HS2ST1: variants seen among roughly 807,000 people sequenced by gnomAD.
HS2ST1 encodes the protein 2-O-sulfotransferase.
HS2ST1 carries 18 observed loss-of-function variants against 42.9 expected under a neutral mutation model. The ratio of observed to expected loss-of-function variants is 0.42; its 90% CI spans 0.29 to 0.62. The LOEUF (loss-of-function observed/expected upper bound fraction) is 0.62. HS2ST1 is among the 20% of genes least tolerant of loss of function. The pLI, the probability that HS2ST1 is intolerant of heterozygous loss-of-function variation, is 0.21. For missense variants in HS2ST1, 334 were observed against 433.8 expected (o/e 0.77, Z 2.04); for synonymous variants, 146 against 152.9 (o/e 0.95, Z 0.33).
intron 1 of HS2ST1, among the ~76,000 whole-genome samples, chr1:87,065,640 A>G (rs916200655): frequency 6.6e-6 from 1 of 152,214 alleles, no homozygotes; most frequent in Non-Finnish European, 1.5e-5. Flanking sequence ...GTAAGAGAGC[A>G]TAATTTTCTC....
At chr1:87,011,242 AT>A (rs1482606818) in intron 1 of HS2ST1, among the ~76,000 whole-genome samples, 1 of 151,226 alleles carries the variant, frequency 6.6e-6, no homozygotes, top group Non-Finnish European at 1.5e-5. Context: ...TTTTACCAAA[AT>A]TTTTTCCTCT....
intron 1 of HS2ST1, among the ~76,000 whole-genome samples, chr1:86,916,783 G>A (rs1236950087): frequency 1.3e-5 from 2 of 152,086 alleles, no homozygotes; most frequent in African/African-American, 4.8e-5. Flanking sequence ...CTCTTGAAGT[G>A]GAAAGTTATA....
chr1:86,951,902 T>A (rs1279558784), intron 1 of HS2ST1, among the ~76,000 whole-genome samples: 2 of 152,220 alleles, frequency 1.3e-5, no homozygotes, highest in East Asian at 3.8e-4. Flanking sequence ...TCTTTGCTCG[T>A]CCCTAAGAAG....
At chr1:87,001,183 A>G (rs969381806) in intron 1 of HS2ST1, among the ~76,000 whole-genome samples, 5 of 152,230 alleles carry the variant, frequency 3.3e-5, no homozygotes, top group African/African-American at 1.2e-4. Flanking sequence ...AATCAGGAGA[A>G]GAGAGGTGCT....
At chr1:86,981,784 A>G (rs1048113713) in intron 1 of HS2ST1, among the ~76,000 whole-genome samples, 9 of 152,182 alleles carry the variant, frequency 5.9e-5, no homozygotes, top group African/African-American at 2.2e-4. Context: ...CCAGGTACCC[A>G]GTGCAAGCTA....
chr1:87,095,520 T>A (rs1000065441), intron 4 of HS2ST1, among the ~76,000 whole-genome samples: 1 of 152,204 alleles, frequency 6.6e-6, no homozygotes, highest in Non-Finnish European at 1.5e-5. Context: ...GGAAGGCTTT[T>A]GATTTGGGAG....
At chr1:87,101,130 C>T (rs1274418680) in intron 5 of HS2ST1, among the ~76,000 whole-genome samples, 1 of 115,916 alleles carries the variant, frequency 8.6e-6, no homozygotes, top group African/African-American at 3.3e-5. Context: ...TAAGTCATCA[C>T]TTTTGTGTGT....
At chr1:86,968,674 G>A (rs1648136423) in intron 1 of HS2ST1, among the ~76,000 whole-genome samples, 1 of 152,062 alleles carries the variant, frequency 6.6e-6, no homozygotes, top group Admixed American at 6.5e-5. Flanking sequence ...CCTAAGTGGT[G>A]GATTACAGGC....
intron 1 of HS2ST1, among the ~76,000 whole-genome samples, chr1:86,978,890 G>T (rs1471294818): frequency 9.9e-6 from 1 of 101,474 alleles, no homozygotes; most frequent in Non-Finnish European, 1.9e-5. Context: ...TTTGAGACAG[G>T]CCCTCACTTT....
chr1:87,103,458 A>G lies in HS2ST1; in HGVS notation c.713A>G (p.Asp238Gly), dbSNP rs1250748483. The change falls in exon 6 of 7, where the codon GAT becomes GGT. Residue 238 changes from aspartate (D) to glycine (G), a missense_variant. By Grantham distance (94) the Asp-to-Gly change is moderately conservative. Transcript: ENST00000370550. The stretch of plus-strand genomic sequence containing the variant: ...AATGTGGGAAGCAGGTGGGCTATGG[A>G]TCAAGCCAAGTATAACCTAATTAAT... ...CWNVGSRWAM[D>G]QAKYNLINEY... 6.2e-7 allele frequency: 1 copy of G among 1,607,586 alleles called. No homozygotes were observed. The highest frequency in any genetic ancestry group is 1.1e-5 in the South Asian group (1 of 89,020).
chr1:86,947,299 G>C (rs1647370294), intron 1 of HS2ST1, among the ~76,000 whole-genome samples: 1 of 152,142 alleles, frequency 6.6e-6, no homozygotes, highest in Non-Finnish European at 1.5e-5. Context: ...TCTCCTAATA[G>C]GCATTATATT....
intron 1 of HS2ST1, among the ~76,000 whole-genome samples, chr1:87,014,270 G>A (rs1649686292): frequency 6.6e-6 from 1 of 152,194 alleles, no homozygotes; most frequent in South Asian, 2.1e-4. Flanking sequence ...CAATCATGGT[G>A]GAAGGTGAAG....
intron 1 of HS2ST1, among the ~76,000 whole-genome samples, chr1:86,987,690 A>T (rs1382351117): frequency 6.6e-6 from 1 of 152,052 alleles, no homozygotes; most frequent in Non-Finnish European, 1.5e-5. Flanking sequence ...TACCTTTCTG[A>T]TCTTATCTCC....
At chr1:86,985,457 C>T (rs199803406) in intron 1 of HS2ST1, among the ~76,000 whole-genome samples, 5 of 103,096 alleles carry the variant, frequency 4.8e-5, no homozygotes, top group African/African-American at 1.1e-4. Context: ...TATATACACA[C>T]ATATATACAC....
At chr1:87,066,393 G>A (rs1156897495) in intron 1 of HS2ST1, among the ~76,000 whole-genome samples, 3 of 152,036 alleles carry the variant, frequency 2.0e-5, no homozygotes, top group Admixed American at 6.6e-5. Flanking sequence ...ATTGCACCCC[G>A]TGTGATCTGT....
In HS2ST1 at chr1:87,045,350, T is replaced by A. The variant is rs959361134; in HGVS notation, c.125-27584T>A. The A allele has an allele frequency of 6.8e-6, 9 of 1,321,996 alleles. No individual in the cohort carries two copies. The African/African-American group carries it at 1.3e-4, about 19-fold the overall frequency. 81.9% of individuals were successfully genotyped at this position (1,321,996 alleles called of 1,614,324 possible). A position where few individuals can be genotyped will look rare whatever the true frequency, so the allele number is the denominator to read the frequency against. On this transcript the variant is annotated intron_variant, in intron 1 of 6. Coordinates refer to ENST00000370550, the MANE Select transcript of HS2ST1 (RefSeq NM_012262.4). ...AAATTCTGACAACTTCTTGTGATTA[T>A]TAGCTTCTGTCTCTCCCTTTTCAGA...
At chr1:87,082,172 G>A (rs1321944707) in intron 2 of HS2ST1, among the ~76,000 whole-genome samples, 7 of 152,136 alleles carry the variant, frequency 4.6e-5, no homozygotes, top group Admixed American at 2.0e-4. Flanking sequence ...TCTTGCAGTA[G>A]TGTAGACATT....
intron 5 of HS2ST1, 26 bp downstream of exon 5, chr1:87,097,961 T>C (rs748095767): frequency 4.3e-6 from 7 of 1,613,534 alleles, no homozygotes; most frequent in South Asian, 1.1e-5. Flanking sequence ...TTGGCTCAGA[T>C]TGATTATCAT....
intron 1 of HS2ST1, among the ~76,000 whole-genome samples, chr1:86,979,763 A>G (rs924139649): frequency 9.2e-5 from 14 of 152,178 alleles, no homozygotes; most frequent in African/African-American, 3.1e-4. Context: ...TCTATCTTTC[A>G]CTTTTTGAGG....
Sources: allele counts gnomAD v4.1 joint callset (sites outside exome capture counted in the v4.1 genomes callset), GRCh38; gene constraint gnomAD v4.1.1; transcripts MANE v1.5; gene names NCBI Gene and HGNC (gene_info 2026-07-23, HGNC 2026-07-21).